Variants in CAMTA1 observed in about 807,000 individuals in gnomAD.
The protein encoded by CAMTA1 is calmodulin binding transcription activator 1.
Under a neutral mutation model 170.9 loss-of-function variants are expected in CAMTA1, and 27 were observed. The observed-to-expected ratio is 0.16, with a 90% CI of 0.12 to 0.22. The LOEUF is 0.22. CAMTA1 is among the 10% of genes least tolerant of loss of function. The pLI, the probability that CAMTA1 is intolerant of heterozygous loss-of-function variation, is 1.00. For synonymous variants in CAMTA1, 833 were observed against 891.5 expected (o/e 0.93, Z 1.17); for missense variants, 1,619 against 2,217.2 (o/e 0.73, Z 5.42).
At chr1:7,458,866 C>T (rs2093020327) in intron 5 of CAMTA1, among the ~76,000 whole-genome samples, 1 of 152,396 alleles carries the variant, frequency 6.6e-6, no homozygotes, top group East Asian at 1.9e-4. Context: ...TGACCCAACC[C>T]TGGAGGCTGA....
At chr1:7,367,152 C>G (rs1439160995) in intron 5 of CAMTA1, among the ~76,000 whole-genome samples, 3 of 152,168 alleles carry the variant, frequency 2.0e-5, no homozygotes, top group African/African-American at 7.2e-5. Flanking sequence ...GGACCCAAGC[C>G]AAGGAGCTGG....
At chr1:6,977,725 G>A (rs752556466) in intron 3 of CAMTA1, among the ~76,000 whole-genome samples, 1 of 152,184 alleles carries the variant, frequency 6.6e-6, no homozygotes, top group Admixed American at 6.5e-5. Flanking sequence ...CAGCTTTAGA[G>A]GTATGGAAAC....
At chr1:7,193,033 A>T (rs1654841974) in intron 4 of CAMTA1, among the ~76,000 whole-genome samples, 1 of 152,120 alleles carries the variant, frequency 6.6e-6, no homozygotes, top group Non-Finnish European at 1.5e-5. Flanking sequence ...AGAGGAGACC[A>T]GCGTCTTCTG....
chr1:6,984,503 A>G (rs1166203307), intron 3 of CAMTA1, among the ~76,000 whole-genome samples: 1 of 152,116 alleles, frequency 6.6e-6, no homozygotes, highest in Non-Finnish European at 1.5e-5. Flanking sequence ...AATCCCAGCT[A>G]GTCAGGAGGC....
chr1:7,175,984 CA>C (rs1248601375), intron 4 of CAMTA1, among the ~76,000 whole-genome samples: 1 of 152,176 alleles, frequency 6.6e-6, no homozygotes, highest in Admixed American at 6.5e-5. Context: ...TGAAGTGGGT[CA>C]GCAAAGCAGC....
chr1:7,663,435 G>T lies in CAMTA1; in HGVS notation c.888G>T (p.Gly296=). 2.5e-6 allele frequency: 4 copies of T among 1,576,800 alleles called. No individual in the cohort carries two copies. Among genetic ancestry groups the T allele is most frequent in the Non-Finnish European group, 3.5e-6 (4 of 1,156,028 alleles). ...ISPKVEPRTG[G]YGSHSEVQHN... ...CCAAGGTGGAGCCACGGACAGGGGG[G>T]TACGGGAGCCACTCGGAGGTGCAGC... is the stretch of plus-strand genomic sequence containing the variant. Residue 296 remains glycine, a synonymous_variant, in exon 9 of 23, where the codon GGG becomes GGT. Coordinates refer to ENST00000303635, the MANE Select transcript of CAMTA1 (RefSeq NM_015215.4).
At chr1:7,328,157 G>C (rs943718995) in intron 5 of CAMTA1, among the ~76,000 whole-genome samples, 1 of 152,106 alleles carries the variant, frequency 6.6e-6, no homozygotes, top group Non-Finnish European at 1.5e-5. Flanking sequence ...GATTCACTGG[G>C]CTTCCTTCTC....
intron 7 of CAMTA1, among the ~76,000 whole-genome samples, chr1:7,659,612 G>A (rs919699301): frequency 6.7e-6 from 1 of 149,550 alleles, no homozygotes; most frequent in African/African-American, 2.5e-5. Flanking sequence ...AGAGGCTTGA[G>A]ATGAATGGCC....
chr1:7,368,448 G>T (rs373344668), intron 5 of CAMTA1, among the ~76,000 whole-genome samples: 1 of 151,698 alleles, frequency 6.6e-6, no homozygotes, highest in Non-Finnish European at 1.5e-5. Context: ...TTCATTGGGC[G>T]CAGGCACTGG....
intron 3 of CAMTA1, among the ~76,000 whole-genome samples, chr1:6,830,705 A>G (rs919617522): frequency 6.6e-6 from 1 of 152,220 alleles, no homozygotes; most frequent in Non-Finnish European, 1.5e-5. Context: ...TTTGAAGTGC[A>G]TAATTCAATG....
intron 19 of CAMTA1, among the ~76,000 whole-genome samples, chr1:7,750,043 C>T (rs1261906001): frequency 6.6e-6 from 1 of 152,146 alleles, no homozygotes; most frequent in Admixed American, 6.5e-5. Context: ...TCCTGTGAGC[C>T]CTGTGGCCAC....
intron 3 of CAMTA1, among the ~76,000 whole-genome samples, chr1:7,059,980 C>T (rs1038902768): frequency 2.6e-5 from 4 of 152,166 alleles, no homozygotes; most frequent in African/African-American, 9.7e-5. Flanking sequence ...AAGTCACCAA[C>T]CCCAGCCTGG....
intron 6 of CAMTA1, among the ~76,000 whole-genome samples, chr1:7,485,509 T>C (rs1292889491): frequency 2.0e-5 from 3 of 152,212 alleles, no homozygotes; most frequent in African/African-American, 4.8e-5. Flanking sequence ...AGTGCCGGGC[T>C]GAGAGCCACA....
At chr1:7,478,319 G>A (rs966432429) in intron 6 of CAMTA1, among the ~76,000 whole-genome samples, 1 of 152,234 alleles carries the variant, frequency 6.6e-6, no homozygotes, top group Admixed American at 6.5e-5. Context: ...GCCTCAGGCG[G>A]GAATCTGGTG....
chr1:7,762,176 G>T (rs1212969281), intron 22 of CAMTA1, among the ~76,000 whole-genome samples: 1 of 152,134 alleles, frequency 6.6e-6, no homozygotes, highest in Non-Finnish European at 1.5e-5. Flanking sequence ...TAACAAGCAG[G>T]AATAATTATT....
intron 6 of CAMTA1, among the ~76,000 whole-genome samples, chr1:7,559,984 T>C (rs781568865): frequency 6.6e-6 from 1 of 152,224 alleles, no homozygotes; most frequent in Non-Finnish European, 1.5e-5. Flanking sequence ...ATGATGTTTC[T>C]GTTGTTTGGG....
At chr1:7,700,227 T>C (rs1234603077) in intron 11 of CAMTA1, among the ~76,000 whole-genome samples, 1 of 152,176 alleles carries the variant, frequency 6.6e-6, no homozygotes, top group East Asian at 1.9e-4. Context: ...GGGGTTCAAC[T>C]TCATTCTTTT....
chr1:6,993,650 A>G (rs1053847860), intron 3 of CAMTA1, among the ~76,000 whole-genome samples: 2 of 145,938 alleles, frequency 1.4e-5, no homozygotes, highest in Non-Finnish European at 3.1e-5. Flanking sequence ...GTTTGTCTTG[A>G]AGTCTACGCT....
At chr1:6,912,955 T>C (rs1346007026) in intron 3 of CAMTA1, among the ~76,000 whole-genome samples, 1 of 152,194 alleles carries the variant, frequency 6.6e-6, no homozygotes, top group Non-Finnish European at 1.5e-5. Context: ...CCCTGTGAAC[T>C]CCAGCGCCCA....
Sources: gnomAD v4.1 joint callset for allele counts (sites outside exome capture counted in the v4.1 genomes callset) on GRCh38, gnomAD v4.1.1 for gene constraint, MANE v1.5 for transcripts, NCBI Gene and HGNC (gene_info 2026-07-23, HGNC 2026-07-21) for gene names.